Variants in TNFRSF21 observed in about 807,000 individuals in gnomAD.
TNFRSF21 encodes TNF receptor superfamily member 21, also known as tumor necrosis factor receptor superfamily member 21.
TNFRSF21 carries 19 observed loss-of-function variants against 45.6 expected under a neutral mutation model. That is an observed-to-expected ratio of 0.42 (90% confidence interval 0.29 to 0.61). TNFRSF21 has a LOEUF of 0.61. TNFRSF21 is among the 20% of genes least tolerant of loss of function. TNFRSF21 has a pLI of 0.23. For missense variants in TNFRSF21, 737 were observed against 851.5 expected, an observed-to-expected ratio of 0.87 and a Z score of 1.67; for synonymous variants, 314 against 335.5, an observed-to-expected ratio of 0.94 and a Z score of 0.70.
At chr6:47,308,789 G>A (rs1180812683) in intron 1 of TNFRSF21, among the ~76,000 whole-genome samples, 1 of 152,208 alleles carries the variant, frequency 6.6e-6, no homozygotes, top group Non-Finnish European at 1.5e-5. Flanking sequence ...TGATATTTCG[G>A]CATACAGAAC....
intron 4 of TNFRSF21, among the ~76,000 whole-genome samples, chr6:47,237,428 G>A (rs999510453): frequency 2.6e-5 from 4 of 152,112 alleles, no homozygotes; most frequent in Non-Finnish European, 1.5e-5. Context: ...GTGAGTCATC[G>A]GAATATGTGA....
chr6:47,293,958 A>G (rs2113867752), intron 1 of TNFRSF21, among the ~76,000 whole-genome samples: 1 of 152,350 alleles, frequency 6.6e-6, no homozygotes, highest in South Asian at 2.1e-4. Context: ...CTCCATGTGG[A>G]CAAGGATCAG....
Position 47,234,931 on chromosome 6 carries a change from T to C in TNFRSF21, c.1510-33A>G, listed in dbSNP as rs541721401. 277 of 1,202,036 alleles carry C rather than the reference T, an allele frequency of 2.3e-4. 2 individuals carry two copies. Among genetic ancestry groups the C allele is most frequent in the Non-Finnish European group, 4.3e-6 (4 of 926,444 alleles). 74.5% of individuals were successfully genotyped at this position (1,202,036 alleles called of 1,614,324 possible). Reference sequence around the variant, plus strand: ...AGGGAAAATTTTTTTTTATTATATATAGAAAAAAAAACAGTAAAATTAAAA... The same window carrying C: ...AGGGAAAATTTTTTTTTATTATATACAGAAAAAAAAACAGTAAAATTAAAA... On this transcript the variant is annotated intron_variant, in intron 4 of 5. Coordinates refer to ENST00000296861, the MANE Select transcript of TNFRSF21 (RefSeq NM_014452.5).
chr6:47,265,196 C>T (rs1275189954), intron 3 of TNFRSF21, among the ~76,000 whole-genome samples: 1 of 152,150 alleles, frequency 6.6e-6, no homozygotes, highest in African/African-American at 2.4e-5. Context: ...GAGCCTTCAG[C>T]CATTGGGTGT....
rs528599185 is a variant in TNFRSF21 at position 47,233,578 on chromosome 6, C to T, written c.1739-584G>A. 7.4e-4 allele frequency among the ~76,000 whole-genome samples: 112 copies of T among 151,694 alleles called. No homozygotes were observed. In the South Asian group the frequency reaches 0.022, roughly 30 times the overall value. On this transcript the variant is annotated intron_variant, in intron 5 of 5. Coordinates refer to ENST00000296861, the MANE Select transcript of TNFRSF21 (RefSeq NM_014452.5). ...AAATATGATTTCTTCTCAGGTCATA[C>T]CTTACATTGGGATGAGGAACTATAA...
intron 3 of TNFRSF21, among the ~76,000 whole-genome samples, chr6:47,266,148 T>C (rs1762330489): frequency 6.6e-6 from 1 of 152,110 alleles, no homozygotes; most frequent in African/African-American, 2.4e-5. Context: ...CGACTCCCAC[T>C]ATTGGACTGG....
At chr6:47,235,303 C>T (rs1212067723) in intron 4 of TNFRSF21, among the ~76,000 whole-genome samples, 5 of 152,130 alleles carry the variant, frequency 3.3e-5, no homozygotes, top group South Asian at 2.1e-4. Flanking sequence ...CTTCAGAATG[C>T]GACTACTGTG....
intron 4 of TNFRSF21, among the ~76,000 whole-genome samples, chr6:47,251,478 C>T (rs952040152): frequency 3.3e-5 from 5 of 152,172 alleles, no homozygotes; most frequent in Non-Finnish European, 5.9e-5. Context: ...TTCTCTCATT[C>T]GTTGACCTAA....
chr6:47,299,463 C>A (rs916310192), intron 1 of TNFRSF21, among the ~76,000 whole-genome samples: 1 of 152,046 alleles, frequency 6.6e-6, no homozygotes, highest in African/African-American at 2.4e-5. Flanking sequence ...CACCTACACA[C>A]CAGCCTGGGG....
chr6:47,292,338 C>T (rs971445502), intron 1 of TNFRSF21, among the ~76,000 whole-genome samples: 1 of 151,730 alleles, frequency 6.6e-6, no homozygotes, highest in Non-Finnish European at 1.5e-5. Flanking sequence ...ACCAAAGCCT[C>T]GGGTCTCAAA....
chr6:47,246,350 G>C (rs1409959273), intron 4 of TNFRSF21, among the ~76,000 whole-genome samples: 1 of 152,202 alleles, frequency 6.6e-6, no homozygotes, highest in African/African-American at 2.4e-5. Context: ...TGAGCCCCCT[G>C]CTCTATGTCA....
In TNFRSF21 at chr6:47,232,608, G is replaced by GCCATATT; in HGVS notation, c.*150_*156dup. On this transcript the variant is annotated 3_prime_UTR_variant, in exon 6 of 6. Transcript: ENST00000296861. ...AGAAGGAGAAAGAACTCAAGCACTG[G>GCCATATT]CCATATTCTCTGTTAAACACACACA... 1.7e-6 allele frequency: 1 copy of GCCATATT among 600,978 alleles called. No homozygotes were observed. The highest frequency in any genetic ancestry group is 2.8e-6 in the Non-Finnish European group (1 of 353,850). 37.2% of individuals were successfully genotyped at this position (600,978 alleles called of 1,614,324 possible). A position where few individuals can be genotyped will look rare whatever the true frequency, so the allele number is the denominator to read the frequency against.
intron 3 of TNFRSF21, among the ~76,000 whole-genome samples, chr6:47,280,671 T>C (rs995148515): frequency 2.6e-5 from 4 of 152,290 alleles, no homozygotes; most frequent in African/African-American, 9.6e-5. Flanking sequence ...TTTTACAAAA[T>C]AGGATATTGT....
chr6:47,285,809 A>G (rs769272822), intron 2 of TNFRSF21, 135 bp downstream of exon 2: 123 of 968,320 alleles, frequency 1.3e-4, no homozygotes, highest in Non-Finnish European at 1.8e-4. Context: ...ATTAGCCACC[A>G]TATGAAGGCC....
rs376748785 is a variant in TNFRSF21 at position 47,278,695 on chromosome 6, C to T, written c.1243+5243G>A. Reference sequence around the variant, plus strand: ...CAAAGAGTTAAACAGTGACAGATGGCGAGAGCTAAAGGAATGAAGAAATTG... The same window carrying T: ...CAAAGAGTTAAACAGTGACAGATGGTGAGAGCTAAAGGAATGAAGAAATTG... On this transcript the variant is annotated intron_variant, in intron 3 of 5. Coordinates refer to ENST00000296861, the MANE Select transcript of TNFRSF21 (RefSeq NM_014452.5). Among the ~76,000 whole-genome samples the T allele has an allele frequency of 2.2e-4, 33 of 152,196 alleles. 1 individual carries two copies. In the South Asian group the frequency reaches 3.1e-3, roughly 14 times the overall value.
At chr6:47,271,294 C>T (rs769395008) in intron 3 of TNFRSF21, among the ~76,000 whole-genome samples, 1 of 152,214 alleles carries the variant, frequency 6.6e-6, no homozygotes, top group Non-Finnish European at 1.5e-5. Context: ...AAGGGAAGCC[C>T]ATCAGACTAA....
intron 2 of TNFRSF21, among the ~76,000 whole-genome samples, chr6:47,285,672 G>A (rs1036307729): frequency 2.0e-5 from 3 of 152,144 alleles, no homozygotes; most frequent in East Asian, 3.9e-4. Flanking sequence ...AAGGTCACAC[G>A]CTGTCCTTGT....
At chr6:47,299,368 G>A (rs756367419) in intron 1 of TNFRSF21, among the ~76,000 whole-genome samples, 2 of 151,826 alleles carry the variant, frequency 1.3e-5, no homozygotes, top group African/African-American at 2.4e-5. Context: ...GGTGGTGCAC[G>A]CTGTAATCCC....
In TNFRSF21 at chr6:47,297,574, T is replaced by C. The variant is rs1468736076; in HGVS notation, c.97-10979A>G. On this transcript the variant is annotated intron_variant, in intron 1 of 5. Coordinates refer to ENST00000296861, the MANE Select transcript of TNFRSF21 (RefSeq NM_014452.5). ...GTCTCGCTCTGTCACCCAGGCTGGA[T>C]TGCAGTGGCACGATCTGGGCTCACT... Among the ~76,000 whole-genome samples, 3 of 149,980 alleles carry C rather than the reference T, an allele frequency of 2.0e-5. No individual in the cohort carries two copies. In the Admixed American group the frequency reaches 2.0e-4, roughly 10 times the overall value.
Sources: gnomAD v4.1 joint callset for allele counts (sites outside exome capture counted in the v4.1 genomes callset) on GRCh38, gnomAD v4.1.1 for gene constraint, MANE v1.5 for transcripts, NCBI Gene and HGNC (gene_info 2026-07-23, HGNC 2026-07-21) for gene names.